PAPSS2: variants seen among roughly 807,000 people sequenced by gnomAD.
PAPSS2 encodes bifunctional 3'-phosphoadenosine 5'-phosphosulfate synthase 2.
A neutral mutation model predicts 66.5 loss-of-function variants in PAPSS2; 61 were observed. That is an observed-to-expected ratio of 0.92 (90% CI 0.75 to 1.14). PAPSS2 has a LOEUF of 1.14. PAPSS2 is among the 50% of genes most tolerant of loss of function. PAPSS2 has a pLI of 0.00. For missense variants in PAPSS2, 708 were observed against 789.6 expected (o/e 0.90, Z 1.24); for synonymous variants, 289 against 287.5 (o/e 1.01, Z -0.05).
chr10:87,699,084 C>G (rs1853270104), intron 1 of PAPSS2, among the ~76,000 whole-genome samples: 2 of 152,158 alleles, frequency 1.3e-5, no homozygotes, highest in Admixed American at 1.3e-4. Flanking sequence ...GAGAGGTTGC[C>G]ATTTGTCATA....
At chr10:87,716,880 C>T (rs990798704) in intron 7 of PAPSS2, among the ~76,000 whole-genome samples, 2 of 152,200 alleles carry the variant, frequency 1.3e-5, no homozygotes, top group Non-Finnish European at 2.9e-5. Context: ...CCCTATACCA[C>T]GTCTCTGTTT....
At chr10:87,731,794 A>C (rs1273255231) in intron 9 of PAPSS2, among the ~76,000 whole-genome samples, 1 of 152,246 alleles carries the variant, frequency 6.6e-6, no homozygotes, top group Non-Finnish European at 1.5e-5. Flanking sequence ...GAATTGTTGC[A>C]ATCTCATGAT....
chr10:87,720,995 C>T (rs1386431784), intron 7 of PAPSS2, among the ~76,000 whole-genome samples: 5 of 152,144 alleles, frequency 3.3e-5, no homozygotes, highest in African/African-American at 1.2e-4. Context: ...GACAGGGGAG[C>T]CTTGTGAGAC....
chr10:87,663,557 C>T (rs924953571), intron 1 of PAPSS2, among the ~76,000 whole-genome samples: 2 of 152,208 alleles, frequency 1.3e-5, no homozygotes, highest in Non-Finnish European at 2.9e-5. Flanking sequence ...GCTCTCATCT[C>T]AGGAAACAGC....
intron 1 of PAPSS2, among the ~76,000 whole-genome samples, chr10:87,698,357 T>G (rs1171579597): frequency 6.6e-6 from 1 of 152,220 alleles, no homozygotes; most frequent in Non-Finnish European, 1.5e-5. Flanking sequence ...TTTTTTGGTC[T>G]GATCACAATT....
At chr10:87,673,185 T>C (rs7074168) in intron 1 of PAPSS2, among the ~76,000 whole-genome samples, 4,325 of 152,352 alleles carry the variant, frequency 0.028, 214 homozygotes, top group African/African-American at 0.098. Context: ...CCCCATTGAA[T>C]TGTGTTTGTT....
chr10:87,676,059 A>ATTTT (rs1852942261), intron 1 of PAPSS2, among the ~76,000 whole-genome samples: 1 of 150,632 alleles, frequency 6.6e-6, no homozygotes, highest in Admixed American at 6.6e-5. Context: ...GGAATATTTA[A>ATTTT]AATTAAATAT....
Position 87,697,468 on chromosome 10 carries a change from G to A in PAPSS2, c.28-11728G>A, listed in dbSNP as rs574220677. On this transcript the variant is annotated intron_variant, in intron 1 of 12. Transcript: ENST00000456849. ...TGGAGGGCACCAAGGAGGGTGCCAAGGAGAGGTGGCTCACCTGTGCTCTGG... is the reference window on the plus strand; with the variant it reads ...TGGAGGGCACCAAGGAGGGTGCCAAAGAGAGGTGGCTCACCTGTGCTCTGG... 9.5e-4 allele frequency among the ~76,000 whole-genome samples: 144 copies of A among 152,336 alleles called. 1 individual carries two copies. The highest frequency in any genetic ancestry group is 3.3e-3 in the African/African-American group (139 of 41,578).
rs538733466 is a variant in PAPSS2 at position 87,729,949 on chromosome 10, T to G, written c.1086+2460T>G. ...AAGTGGAGGTTGCACTGAGCCGAGGTAGCGCCATTGCACTCCAGCCTGCAA... is the reference window on the plus strand; with the variant it reads ...AAGTGGAGGTTGCACTGAGCCGAGGGAGCGCCATTGCACTCCAGCCTGCAA... On this transcript the variant is annotated intron_variant, in intron 9 of 12. Coordinates refer to ENST00000456849, the MANE Select transcript of PAPSS2 (RefSeq NM_001015880.2). Among the ~76,000 whole-genome samples the G allele has an allele frequency of 9.9e-5, 15 of 152,102 alleles. No individual in the cohort carries two copies. The East Asian group carries it at 2.9e-3, about 29-fold the overall frequency.
chr10:87,668,401 A>G (rs1033630802), intron 1 of PAPSS2, among the ~76,000 whole-genome samples: 6 of 152,210 alleles, frequency 3.9e-5, no homozygotes, highest in African/African-American at 1.4e-4. Context: ...AATAGCTACC[A>G]AAGCCTTATA....
chr10:87,705,978 C>T (rs560636897), intron 1 of PAPSS2, among the ~76,000 whole-genome samples: 24 of 150,440 alleles, frequency 1.6e-4, no homozygotes, highest in Middle Eastern at 6.9e-3. Flanking sequence ...ATGATCTGCC[C>T]GCCTCGGCCT....
rs66686947 is a variant in PAPSS2 at position 87,734,663 on chromosome 10, G to GTATATATATA, written c.1087-6538_1087-6529dup. On this transcript the variant is annotated intron_variant, in intron 9 of 12. Transcript: ENST00000456849. ...TGATAGCACAGAAATGAATGTGTGT[G>GTATATATATA]TATATATATATATATATATATATAT... 9.4e-4 allele frequency among the ~76,000 whole-genome samples: 76 copies of GTATATATATA among 81,090 alleles called. 1 individual carries two copies. Among genetic ancestry groups the GTATATATATA allele is most frequent in the Admixed American group, 1.2e-3 (9 of 7,202 alleles). The allele number at this position is 81,090 out of a possible 152,430, so 53.2% of individuals were successfully genotyped here. A position where few individuals can be genotyped will look rare whatever the true frequency, so the allele number is the denominator to read the frequency against.
chr10:87,691,596 C>T (rs997715243), intron 1 of PAPSS2, among the ~76,000 whole-genome samples: 5 of 151,854 alleles, frequency 3.3e-5, no homozygotes. Flanking sequence ...GTATTTTTAA[C>T]AAGTGCCCAT....
At chr10:87,670,211 C>T (rs984933287) in intron 1 of PAPSS2, among the ~76,000 whole-genome samples, 10 of 152,210 alleles carry the variant, frequency 6.6e-5, no homozygotes, top group Non-Finnish European at 1.5e-4. Flanking sequence ...ATTCAGCAAA[C>T]GTGAACAGAA....
At chr10:87,689,593 G>T (rs1180793967) in intron 1 of PAPSS2, among the ~76,000 whole-genome samples, 1 of 150,146 alleles carries the variant, frequency 6.7e-6, no homozygotes, top group African/African-American at 2.5e-5. Flanking sequence ...TTGAACCTGG[G>T]AGGTGGAGGT....
chr10:87,675,900 A>G (rs1231959195), intron 1 of PAPSS2, among the ~76,000 whole-genome samples: 1 of 151,730 alleles, frequency 6.6e-6, no homozygotes, highest in African/African-American at 2.4e-5. Context: ...AAAGCATTGT[A>G]ACATGCCTGA....
chr10:87,743,688 C>T (rs370456827), intron 11 of PAPSS2, 47 bp downstream of exon 11: 2 of 1,606,042 alleles, frequency 1.2e-6, no homozygotes, highest in Non-Finnish European at 1.7e-6. Context: ...AATTCAGACT[C>T]AGACTTTACA....
At chr10:87,674,675 A>T (rs1024831698) in intron 1 of PAPSS2, among the ~76,000 whole-genome samples, 8 of 152,192 alleles carry the variant, frequency 5.3e-5, no homozygotes, top group African/African-American at 1.7e-4. Flanking sequence ...AAAGATCTAT[A>T]AAAGAGTTAT....
At chr10:87,739,023 G>C (rs955257455) in intron 9 of PAPSS2, among the ~76,000 whole-genome samples, 1 of 152,088 alleles carries the variant, frequency 6.6e-6, no homozygotes, top group African/African-American at 2.4e-5. Flanking sequence ...TGAAGTAGTT[G>C]CAATTTTTTT....
Sources: allele counts gnomAD v4.1 joint callset (sites outside exome capture counted in the v4.1 genomes callset), GRCh38; gene constraint gnomAD v4.1.1; transcripts MANE v1.5; gene names NCBI Gene and HGNC (gene_info 2026-07-23, HGNC 2026-07-21).